Variants in ZNF263 observed in about 807,000 individuals in gnomAD.
The protein encoded by ZNF263 is zinc finger protein FPM315.
Under a neutral mutation model 63.1 loss-of-function variants are expected in ZNF263, and 49 were observed. The ratio of observed to expected loss-of-function variants is 0.78; its 90% CI spans 0.62 to 0.99. The LOEUF is 0.99. Ranked by LOEUF, ZNF263 falls within the 50% of genes least tolerant of loss-of-function variation. The pLI, the probability that ZNF263 is intolerant of heterozygous loss-of-function variation, is 0.00. For missense variants in ZNF263, 872 were observed against 854.8 expected, an observed-to-expected ratio of 1.02 and a Z score of -0.25; for synonymous variants, 352 against 324.2, an observed-to-expected ratio of 1.09 and a Z score of -0.92.
Position 3,283,769 on chromosome 16 carries a change from C to T in ZNF263, c.-50C>T. On this transcript the variant is annotated 5_prime_UTR_variant, in exon 1 of 6. Transcript: ENST00000219069. ...ACCTTACATGGGTTCAGGGCGCCTT[C>T]GTAGGCGGGCACGGCTGGTTTCGGG... 3 of 1,496,886 alleles carry T rather than the reference C, an allele frequency of 2.0e-6. No homozygotes were observed. The highest frequency in any genetic ancestry group is 2.7e-6 in the Non-Finnish European group (3 of 1,129,366). The allele number at this position is 1,496,886 out of a possible 1,614,324, so 92.7% of individuals were successfully genotyped here.
chr16:3,289,949 G>A lies in ZNF263; in HGVS notation c.1443G>A (p.Gln481=). 6.2e-7 allele frequency: 1 copy of A among 1,614,172 alleles called. No individual in the cohort carries two copies. The highest frequency in any genetic ancestry group is 2.2e-5 in the East Asian group (1 of 44,876). The part of the protein sequence containing the change: ...FSCNSNLHRH[Q]RTHTGEKPYK... ...GCAACTCCAACCTCCACAGGCACCAGAGAACGCACACTGGGGAGAAGCCCT... is the reference window on the plus strand; with the variant it reads ...GCAACTCCAACCTCCACAGGCACCAAAGAACGCACACTGGGGAGAAGCCCT... Residue 481 remains glutamine (Q), a synonymous_variant, in exon 6 of 6, where the codon CAG becomes CAA. Coordinates refer to ENST00000219069, the MANE Select transcript of ZNF263 (RefSeq NM_005741.5).
intron 1 of ZNF263, 25 bp from the exon 2 acceptor site, chr16:3,285,034 A>G (rs1214945770): frequency 8.1e-6 from 13 of 1,612,926 alleles, no homozygotes; most frequent in Non-Finnish European, 1.1e-5. Flanking sequence ...TGTTGTGATG[A>G]TGAGTGATGT....
At position 3,299,561 on chromosome 16, in the gene ZNF263, C is replaced by T. The variant is rs1959871320; in HGVS notation, c.*46+405C>T. The T allele has an allele frequency of 2.0e-6, 3 of 1,533,008 alleles. No homozygotes were observed. In the East Asian group the frequency reaches 6.9e-5, roughly 35 times the overall value. The allele number at this position is 1,533,008 out of a possible 1,614,324, so 95.0% of individuals were successfully genotyped here. A position where few individuals can be genotyped will look rare whatever the true frequency, so the allele number is the denominator to read the frequency against. Reference sequence around the variant, plus strand: ...TCATCATCACTTTCTTCAAATATTACAAGACTCTCTTCAAGTTGCTTCCAT... The same window carrying T: ...TCATCATCACTTTCTTCAAATATTATAAGACTCTCTTCAAGTTGCTTCCAT... On this transcript the variant is annotated intron_variant, in intron 2 of 2. Transcript: ENST00000574674.
chr16:3,289,874 C>T lies in ZNF263; in HGVS notation c.1368C>T (p.His456=). The stretch of plus-strand genomic sequence containing the variant: ...ATCTGACTCGCCACCAACGCACCCA[C>T]ACGGGTGAGAAGCCCTATCAGTGCA... ...NTHLTRHQRT[H]TGEKPYQCNI... The change falls in exon 6 of 6, where the codon CAC becomes CAT. Residue 456 remains histidine, a synonymous_variant. Coordinates refer to ENST00000219069, the MANE Select transcript of ZNF263 (RefSeq NM_005741.5). The T allele has an allele frequency of 6.2e-7, 1 of 1,614,232 alleles. No homozygotes were observed. Among genetic ancestry groups the T allele is most frequent in the African/African-American group, 1.3e-5 (1 of 75,064 alleles).
chr16:3,288,648 G>C, intron 5 of ZNF263, 78 bp downstream of exon 5: 1 of 1,052,124 alleles, frequency 9.5e-7, no homozygotes, highest in Non-Finnish European at 1.4e-6. Context: ...TTTTGGTTTT[G>C]TTTTGTTTTG....
chr16:3,285,373 C>T (rs1959307755), intron 2 of ZNF263, 134 bp downstream of exon 2: 1 of 1,099,106 alleles, frequency 9.1e-7, no homozygotes, highest in African/African-American at 1.6e-5. Context: ...GAATGAAAGA[C>T]CTGCAGTTGG....
downstream of ZNF263, among the ~76,000 whole-genome samples, chr16:3,295,172 C>T (rs1959711144): frequency 6.6e-6 from 1 of 152,204 alleles, no homozygotes; most frequent in Non-Finnish European, 1.5e-5. Flanking sequence ...TCGGCTCACA[C>T]GCGGCCGGGC....
intron 1 of ZNF263, among the ~76,000 whole-genome samples, chr16:3,297,727 G>T (rs1308528167): frequency 6.6e-6 from 1 of 151,672 alleles, no homozygotes; most frequent in East Asian, 1.9e-4. Context: ...GCCTCCCAAA[G>T]TGCTGGGATT....
In ZNF263 at chr16:3,283,897, G is replaced by T. The variant is rs1339964250; in HGVS notation, c.79G>T (p.Glu27Ter). 7 of 1,611,350 alleles carry T rather than the reference G, an allele frequency of 4.3e-6. No homozygotes were observed. Among genetic ancestry groups the T allele is most frequent in the Non-Finnish European group, 5.9e-6 (7 of 1,179,066 alleles). Residue 27 changes from glutamate to a stop codon, truncating the protein, a stop_gained, in exon 1 of 6, where the codon GAG (glutamate) becomes TAG (stop). Transcript: ENST00000219069. LOFTEE classifies it high-confidence loss of function. ...GGAGGAGGACTGCGCCTGGAGCCAG[G>T]AGCTGCCCCCACCTGACCCAGGACC... The part of the protein sequence containing the change: ...KLEEDCAWSQ[E>*]LPPPDPGPSP...
At chr16:3,289,327 CAGGT>C (rs1959505366) in intron 5 of ZNF263, 62 bp from the exon 6 acceptor site, 1 of 1,475,232 alleles carries the variant, frequency 6.8e-7, no homozygotes, top group East Asian at 2.3e-5. Flanking sequence ...CAGCGGCAGA[CAGGT>C]GGGATTTTCT....
downstream of ZNF263, among the ~76,000 whole-genome samples, chr16:3,293,639 A>G (rs1223844902): frequency 2.6e-5 from 4 of 152,226 alleles, no homozygotes; most frequent in African/African-American, 9.6e-5. Flanking sequence ...GACCCTGAGC[A>G]GCAGCCACAC....
At chr16:3,294,399 C>A (rs962062966), downstream of ZNF263, among the ~76,000 whole-genome samples, 1 of 152,180 alleles carries the variant, frequency 6.6e-6, no homozygotes, top group Admixed American at 6.5e-5. Context: ...AACCAACTAG[C>A]AAATTTCTTA....
At chr16:3,292,150 G>C (rs965409753), downstream of ZNF263, among the ~76,000 whole-genome samples, 5 of 152,172 alleles carry the variant, frequency 3.3e-5, no homozygotes, top group Non-Finnish European at 7.3e-5. Flanking sequence ...CGGATGCCAG[G>C]AAAACACCTC....
At chr16:3,299,753 C>T (rs867000822) in intron 2 of ZNF263, 2 of 1,546,324 alleles carry the variant, frequency 1.3e-6, no homozygotes, top group Admixed American at 4.2e-5. Context: ...GCCCTGACGT[C>T]CTCGTCATGA....
In ZNF263 at chr16:3,290,079, A is replaced by C; in HGVS notation, c.1573A>C (p.Lys525Gln). The change falls in exon 6 of 6, where the codon AAA (lysine) becomes CAA (glutamine). Residue 525 changes from lysine (K) to glutamine (Q), a missense_variant. Physicochemically the swap from Lys to Gln is moderately conservative, Grantham distance 53 (BLOSUM62 1). Coordinates refer to ENST00000219069, the MANE Select transcript of ZNF263 (RefSeq NM_005741.5). ...ERPYKCPECG[K>Q]SFSRSSHLVI... ...ACCTTATAAGTGTCCCGAGTGTGGGAAAAGTTTCTCTCGGAGTTCACACCT... is the reference window on the plus strand; with the variant it reads ...ACCTTATAAGTGTCCCGAGTGTGGGCAAAGTTTCTCTCGGAGTTCACACCT... The C allele has an allele frequency of 6.2e-7, 1 of 1,614,032 alleles. No homozygotes were observed. The highest frequency in any genetic ancestry group is 8.5e-7 in the Non-Finnish European group (1 of 1,180,006).
chr16:3,284,148 A>G lies in ZNF263; in HGVS notation c.330A>G (p.Glu110=). The change falls in exon 1 of 6, where the codon GAA becomes GAG. Residue 110 remains glutamate (E), a synonymous_variant. Coordinates refer to ENST00000219069, the MANE Select transcript of ZNF263 (RefSeq NM_005741.5). ...AGGAGCTGCATCCGGAGAGCGGCGA[A>G]GAAGCGGTGACCCTTGTGGAGGATA... is the stretch of plus-strand genomic sequence containing the variant. ...RVQELHPESG[E]EAVTLVEDMQ... 6.3e-7 allele frequency: 1 copy of G among 1,599,382 alleles called. No individual in the cohort carries two copies. The highest frequency in any genetic ancestry group is 8.5e-7 in the Non-Finnish European group (1 of 1,171,728).
At chr16:3,293,935 G>T (rs193224449), downstream of ZNF263, among the ~76,000 whole-genome samples, 736 of 152,212 alleles carry the variant, frequency 4.8e-3, 8 homozygotes, top group African/African-American at 0.017. Context: ...TTTTTGTTTT[G>T]TTTTGTTTGA....
At chr16:3,286,280 A>C in intron 4 of ZNF263, 131 bp downstream of exon 4, 1 of 1,364,646 alleles carries the variant, frequency 7.3e-7, no homozygotes, top group African/African-American at 1.5e-5. Flanking sequence ...CCCTTTGTCT[A>C]AAGTCCCCTG....
At position 3,285,542 on chromosome 16, in the gene ZNF263, C is replaced by G. The variant is rs771465337; in HGVS notation, c.569-139C>G. ...CTCACCCTGTCATTTTGGATATCAGCTGATTAGGCCTCTGTGCAGTTTAGC... is the reference window on the plus strand; with the variant it reads ...CTCACCCTGTCATTTTGGATATCAGGTGATTAGGCCTCTGTGCAGTTTAGC... On this transcript the variant is annotated intron_variant, in intron 2 of 5. Transcript: ENST00000219069. The G allele has an allele frequency of 1.1e-4, 92 of 837,912 alleles. 2 individuals are homozygous for G. Among genetic ancestry groups the G allele is most frequent in the South Asian group, 9.8e-4 (62 of 63,244 alleles). The allele number at this position is 837,912 out of a possible 1,614,324, so 51.9% of individuals were successfully genotyped here. A position where few individuals can be genotyped will look rare whatever the true frequency, so the allele number is the denominator to read the frequency against.
Sources: gnomAD v4.1 joint callset for allele counts (sites outside exome capture counted in the v4.1 genomes callset) on GRCh38, gnomAD v4.1.1 for gene constraint, MANE v1.5 for transcripts, NCBI Gene and HGNC (gene_info 2026-07-23, HGNC 2026-07-21) for gene names.